Variants in RAPGEF5 observed in about 807,000 individuals in gnomAD.
RAPGEF5 encodes Rap guanine nucleotide exchange factor 5.
A neutral mutation model predicts 125.2 loss-of-function variants in RAPGEF5; 65 were observed. The observed-to-expected ratio is 0.52, with a 90% CI of 0.43 to 0.64. RAPGEF5 has a LOEUF of 0.64. Among genes scored for constraint, RAPGEF5 ranks in the 30% least tolerant of loss-of-function variants. The pLI, the probability that RAPGEF5 is intolerant of heterozygous loss-of-function variation, is 0.00. For synonymous variants in RAPGEF5, 391 were observed against 385.9 expected, an observed-to-expected ratio of 1.01 and a Z score of -0.16; for missense variants, 958 against 1,048.1, an observed-to-expected ratio of 0.91 and a Z score of 1.19.
intron 1 of RAPGEF5, among the ~76,000 whole-genome samples, chr7:22,344,089 TCTAC>T (rs1784179183): frequency 6.6e-6 from 1 of 152,154 alleles, no homozygotes; most frequent in South Asian, 2.1e-4. Context: ...CTCAGGACCC[TCTAC>T]GGTGAAGCCC....
chr7:22,315,296 G>C lies in RAPGEF5; in HGVS notation c.389+74C>G, dbSNP rs547863281. The C allele has an allele frequency of 3.6e-5, 53 of 1,488,266 alleles. No homozygotes were observed. In the African/African-American group the frequency reaches 6.9e-4, roughly 19 times the overall value. 92.2% of individuals were successfully genotyped at this position (1,488,266 alleles called of 1,614,324 possible). ...TATTGTCCACCTCTCTTTGATCAAG[G>C]TTACAATTTTAACACAGGGTGGTTT... On this transcript the variant is annotated intron_variant, in intron 3 of 25. Transcript: ENST00000665637.
chr7:22,271,240 C>A lies in RAPGEF5; in HGVS notation c.748-4228G>T, dbSNP rs76309639. 1.7e-3 allele frequency among the ~76,000 whole-genome samples: 261 copies of A among 152,298 alleles called. 1 individual carries two copies. Among genetic ancestry groups the A allele is most frequent in the African/African-American group, 6.0e-3 (251 of 41,556 alleles). On this transcript the variant is annotated intron_variant, in intron 6 of 25. Transcript: ENST00000665637. Reference sequence around the variant, plus strand: ...ATCAGAATCTCGGGATTGAACCAGGCATCAGTGTGCATTGTTGTTTCCAAG... The same window carrying A: ...ATCAGAATCTCGGGATTGAACCAGGAATCAGTGTGCATTGTTGTTTCCAAG...
intron 13 of RAPGEF5, among the ~76,000 whole-genome samples, chr7:22,160,888 G>C (rs1475836063): frequency 6.6e-6 from 1 of 152,080 alleles, no homozygotes; most frequent in African/African-American, 2.4e-5. Flanking sequence ...GAGATTTCCA[G>C]CCCATTCTAT....
Position 22,118,854 on chromosome 7 carries a change from T to C in RAPGEF5, c.*3552A>G, listed in dbSNP as rs1375139901. 3 of 152,596 alleles carry C rather than the reference T, an allele frequency of 2.0e-5. No individual in the cohort carries two copies. The highest frequency in any genetic ancestry group is 6.5e-5 in the Admixed American group (1 of 15,274). The allele number at this position is 152,596 out of a possible 1,614,324, so 9.5% of individuals were successfully genotyped here. A position where few individuals can be genotyped will look rare whatever the true frequency, so the allele number is the denominator to read the frequency against. On this transcript the variant is annotated 3_prime_UTR_variant, in exon 26 of 26. Transcript: ENST00000665637. Reference sequence around the variant, plus strand: ...TATACAGCTTTGCTTTATACAGTAATACATTTGCATCTAACTTTTTGGCAA... The same window carrying C: ...TATACAGCTTTGCTTTATACAGTAACACATTTGCATCTAACTTTTTGGCAA...
chr7:22,145,073 C>T lies in RAPGEF5; in HGVS notation c.2157G>A (p.Leu719=). 6.2e-7 allele frequency: 1 copy of T among 1,613,428 alleles called. No individual in the cohort carries two copies. Among genetic ancestry groups the T allele is most frequent in the Non-Finnish European group, 8.5e-7 (1 of 1,179,616 alleles). ...LCSQLGKRVQ[L]VKKFIKIAAH... ...CCGCAATTTTGATGAATTTTTTCAC[C>T]AGCTGCACTCGCTTGCCCAGCTGGC... The change falls in exon 20 of 26, where the codon CTG becomes CTA. Residue 719 remains leucine (L), a synonymous_variant. Coordinates refer to ENST00000665637, the MANE Select transcript of RAPGEF5 (RefSeq NM_012294.5).
chr7:22,278,977 T>C (rs776289753), intron 6 of RAPGEF5, among the ~76,000 whole-genome samples: 6 of 152,136 alleles, frequency 3.9e-5, no homozygotes, highest in African/African-American at 1.4e-4. Context: ...AGTTCATATA[T>C]GCACACAGAT....
At chr7:22,206,845 TTAGGAAACAAACTAAG>T (rs1785409394) in intron 9 of RAPGEF5, among the ~76,000 whole-genome samples, 1 of 151,868 alleles carries the variant, frequency 6.6e-6, no homozygotes, top group Non-Finnish European at 1.5e-5. Context: ...AAATAATTAA[TTAGGAAACAAACTAAG>T]TAGAAAACAA....
intron 5 of RAPGEF5, among the ~76,000 whole-genome samples, chr7:22,296,312 C>T (rs1366306420): frequency 6.6e-6 from 1 of 152,118 alleles, no homozygotes; most frequent in Non-Finnish European, 1.5e-5. Context: ...TTTTTACTCA[C>T]AGTTCCCAAG....
At chr7:22,249,241 A>C (rs905706638) in intron 7 of RAPGEF5, among the ~76,000 whole-genome samples, 5 of 152,070 alleles carry the variant, frequency 3.3e-5, no homozygotes, top group African/African-American at 1.2e-4. Flanking sequence ...ACCCAGGCTG[A>C]AGTGCAGTGG....
intron 1 of RAPGEF5, among the ~76,000 whole-genome samples, chr7:22,323,261 C>G (rs915965595): frequency 2.6e-5 from 4 of 152,192 alleles, no homozygotes; most frequent in Non-Finnish European, 4.4e-5. Flanking sequence ...GGGCACTATT[C>G]TAGTAGAAAC....
chr7:22,123,993 G>A (rs1782660835), intron 25 of RAPGEF5, among the ~76,000 whole-genome samples: 1 of 152,172 alleles, frequency 6.6e-6, no homozygotes, highest in African/African-American at 2.4e-5. Flanking sequence ...AATGAATTCG[G>A]ATAATTCAGT....
chr7:22,171,401 C>T (rs1053423278), intron 11 of RAPGEF5, among the ~76,000 whole-genome samples: 2 of 152,222 alleles, frequency 1.3e-5, no homozygotes, highest in Non-Finnish European at 1.5e-5. Context: ...TACATATTAA[C>T]ACTCTGAGTA....
intron 6 of RAPGEF5, among the ~76,000 whole-genome samples, chr7:22,276,747 C>T (rs941627228): frequency 1.2e-4 from 19 of 152,146 alleles, no homozygotes; most frequent in Admixed American, 5.2e-4. Flanking sequence ...AGTTTCCTGA[C>T]GGTGGGGTGG....
At chr7:22,153,360 A>C (rs1008902418) in intron 17 of RAPGEF5, among the ~76,000 whole-genome samples, 1 of 152,218 alleles carries the variant, frequency 6.6e-6, no homozygotes, top group African/African-American at 2.4e-5. Context: ...TATTATTAAA[A>C]ATCGAACCAC....
At chr7:22,198,715 T>C (rs917718113) in intron 9 of RAPGEF5, among the ~76,000 whole-genome samples, 5 of 152,242 alleles carry the variant, frequency 3.3e-5, no homozygotes, top group African/African-American at 1.2e-4. Flanking sequence ...GATAAACCTA[T>C]GACAACTAAC....
At chr7:22,348,523 A>T (rs1001667779) in intron 1 of RAPGEF5, among the ~76,000 whole-genome samples, 9 of 152,340 alleles carry the variant, frequency 5.9e-5, no homozygotes, top group Admixed American at 4.6e-4. Context: ...ATGCCTTATA[A>T]ATCTCCAAGT....
chr7:22,313,561 G>A (rs912960932), intron 3 of RAPGEF5, among the ~76,000 whole-genome samples: 3 of 152,096 alleles, frequency 2.0e-5, no homozygotes, highest in East Asian at 3.9e-4. Context: ...TTCTATTCCC[G>A]TTAAACCCTA....
At chr7:22,334,205 G>A (rs1783983090) in intron 1 of RAPGEF5, among the ~76,000 whole-genome samples, 2 of 152,186 alleles carry the variant, frequency 1.3e-5, no homozygotes, top group African/African-American at 4.8e-5. Flanking sequence ...TGACAGATGG[G>A]TTTGTCTACC....
At chr7:22,216,939 T>A (rs553953043) in intron 9 of RAPGEF5, among the ~76,000 whole-genome samples, 26 of 152,346 alleles carry the variant, frequency 1.7e-4, no homozygotes, top group Middle Eastern at 3.4e-3. Flanking sequence ...AAAGCTGTAA[T>A]CCCCTTCAAT....
Sources: gnomAD v4.1 joint callset for allele counts (sites outside exome capture counted in the v4.1 genomes callset) on GRCh38, gnomAD v4.1.1 for gene constraint, MANE v1.5 for transcripts, NCBI Gene and HGNC (gene_info 2026-07-23, HGNC 2026-07-21) for gene names.